PACRG: variants seen among roughly 807,000 people sequenced by gnomAD.
PACRG encodes the protein parkin coregulated.
PACRG carries 29 observed loss-of-function variants against 29.7 expected under a neutral mutation model. That is an observed-to-expected ratio of 0.98 (90% CI 0.73 to 1.33). The LOEUF (loss-of-function observed/expected upper bound fraction) is 1.33. PACRG is among the 40% of genes most tolerant of loss of function. PACRG has a pLI of 0.00. For missense variants in PACRG, 279 were observed against 316.2 expected, an observed-to-expected ratio of 0.88 and a Z score of 0.89; for synonymous variants, 116 against 118.7, an observed-to-expected ratio of 0.98 and a Z score of 0.15.
At chr6:162,970,726 CCATT>C (rs1801456916) in intron 2 of PACRG, among the ~76,000 whole-genome samples, 2 of 152,184 alleles carry the variant, frequency 1.3e-5, no homozygotes, top group South Asian at 4.1e-4. Flanking sequence ...AAGTTGCCTA[CCATT>C]AATCCTTGCT....
At chr6:163,026,122 G>A (rs1807106475) in intron 2 of PACRG, among the ~76,000 whole-genome samples, 1 of 152,116 alleles carries the variant, frequency 6.6e-6, no homozygotes, top group African/African-American at 2.4e-5. Flanking sequence ...TTAAACTAAA[G>A]TCTCATTAAA....
chr6:163,296,079 C>T (rs1007732312), intron 4 of PACRG, among the ~76,000 whole-genome samples: 1 of 152,116 alleles, frequency 6.6e-6, no homozygotes, highest in South Asian at 2.1e-4. Flanking sequence ...TTAGGAGACT[C>T]GTGGAAACCC....
rs79951516 is a variant in PACRG at position 162,747,611 on chromosome 6, G to A, written c.156+19220G>A. The stretch of plus-strand genomic sequence containing the variant: ...AATTGAAATGCTTCTAGTGACCTAC[G>A]TAGTACAAACACCAAGTTTACCCAG... On this transcript the variant is annotated intron_variant, in intron 1 of 4. Transcript: ENST00000366888. Among the ~76,000 whole-genome samples the A allele has an allele frequency of 5.8e-3, 873 of 150,132 alleles. 14 individuals are homozygous for A. Among genetic ancestry groups the A allele is most frequent in the African/African-American group, 0.021 (844 of 40,708 alleles).
At chr6:163,171,647 T>A (rs1476202476) in intron 4 of PACRG, among the ~76,000 whole-genome samples, 2 of 152,208 alleles carry the variant, frequency 1.3e-5, no homozygotes, top group Non-Finnish European at 2.9e-5. Context: ...TCCCCCCAGT[T>A]TCTCATGAGA....
At chr6:162,923,827 CT>C in intron 2 of PACRG, among the ~76,000 whole-genome samples, 1 of 151,730 alleles carries the variant, frequency 6.6e-6, no homozygotes, top group East Asian at 1.9e-4. Flanking sequence ...TTTTTATTTT[CT>C]TTTGTTTTGC....
intron 2 of PACRG, among the ~76,000 whole-genome samples, chr6:162,827,496 T>C (rs1584473130): frequency 1.3e-5 from 2 of 152,334 alleles, no homozygotes; most frequent in African/African-American, 4.8e-5. Context: ...AATATTAGAA[T>C]GTAGATCAAT....
chr6:162,736,199 C>G (rs1780151990), intron 1 of PACRG, among the ~76,000 whole-genome samples: 1 of 152,182 alleles, frequency 6.6e-6, no homozygotes, highest in African/African-American at 2.4e-5. Context: ...ACATTTTTAT[C>G]TTTTGCAAGA....
chr6:162,882,831 G>A (rs115162994), intron 2 of PACRG, among the ~76,000 whole-genome samples: 362 of 152,236 alleles, frequency 2.4e-3, no homozygotes, highest in African/African-American at 7.1e-3. Context: ...GTGCTCACTC[G>A]CGTCTTCCCC....
chr6:163,065,864 T>C (rs57016827), intron 3 of PACRG, among the ~76,000 whole-genome samples: 3,156 of 152,276 alleles, frequency 0.021, 118 homozygotes, highest in African/African-American at 0.072. Context: ...AGATCAATTA[T>C]AAATGCAACG....
chr6:162,970,242 C>T (rs1221320062), intron 2 of PACRG, among the ~76,000 whole-genome samples: 5 of 152,188 alleles, frequency 3.3e-5, no homozygotes, highest in Non-Finnish European at 7.3e-5. Context: ...TGCCACCTAT[C>T]CCCAGAAATG....
At chr6:163,247,838 A>T (rs986126715) in intron 4 of PACRG, among the ~76,000 whole-genome samples, 4 of 152,018 alleles carry the variant, frequency 2.6e-5, no homozygotes, top group African/African-American at 7.2e-5. Context: ...CCTACCCCCA[A>T]CTTCAATCAG....
intron 2 of PACRG, among the ~76,000 whole-genome samples, chr6:162,845,755 A>G (rs1214916903): frequency 6.6e-6 from 1 of 152,200 alleles, no homozygotes; most frequent in East Asian, 1.9e-4. Flanking sequence ...TTACAGTTTC[A>G]TAGAAATGTT....
At chr6:163,074,835 AAATT>A (rs1450359244) in intron 3 of PACRG, among the ~76,000 whole-genome samples, 5 of 152,156 alleles carry the variant, frequency 3.3e-5, no homozygotes, top group African/African-American at 9.7e-5. Context: ...AGAATTAAAA[AAATT>A]AATTAGCCAG....
Position 162,728,032 on chromosome 6 carries a change from C to T in PACRG, c.-204C>T. ...TGTTGCAGCTCTAGCCAAGGTCCTG[C>T]CCTCTTCCCGCCCCGCCCCTAGGGT... On this transcript the variant is annotated 5_prime_UTR_variant, in exon 1 of 5. Transcript: ENST00000366888. 1 of 687,426 alleles carries T rather than the reference C, an allele frequency of 1.5e-6. No homozygotes were observed. Among genetic ancestry groups the T allele is most frequent in the East Asian group, 2.5e-5 (1 of 39,860 alleles). 42.6% of individuals were successfully genotyped at this position (687,426 alleles called of 1,614,324 possible). A position where few individuals can be genotyped will look rare whatever the true frequency, so the allele number is the denominator to read the frequency against.
At chr6:162,941,463 G>A (rs757865361) in intron 2 of PACRG, among the ~76,000 whole-genome samples, 13 of 152,150 alleles carry the variant, frequency 8.5e-5, no homozygotes, top group Non-Finnish European at 1.3e-4. Context: ...CAGGCCTGGC[G>A]AGTTAAGCAC....
At chr6:163,099,466 G>A (rs1814888585) in intron 4 of PACRG, among the ~76,000 whole-genome samples, 1 of 152,198 alleles carries the variant, frequency 6.6e-6, no homozygotes, top group African/African-American at 2.4e-5. Context: ...CTTAATCTGA[G>A]CAAGAAAGCA....
chr6:162,746,697 A>G (rs1194085341), intron 1 of PACRG, among the ~76,000 whole-genome samples: 1 of 152,230 alleles, frequency 6.6e-6, no homozygotes, highest in Non-Finnish European at 1.5e-5. Flanking sequence ...TGCTTTGCAC[A>G]GTGTCATAGA....
intron 4 of PACRG, among the ~76,000 whole-genome samples, chr6:163,122,558 C>A (rs933263617): frequency 6.6e-6 from 1 of 152,174 alleles, no homozygotes; most frequent in Non-Finnish European, 1.5e-5. Flanking sequence ...CTCGCTCTCT[C>A]GCTTCCTCTC....
At chr6:163,312,672 CGTT>C (rs1158869040) in intron 4 of PACRG, 3 of 312,298 alleles carry the variant, frequency 9.6e-6, no homozygotes, top group African/African-American at 6.9e-5. Context: ...CAAAGTGTAT[CGTT>C]GTTTTCCTCA....
Sources: gnomAD v4.1 joint callset for allele counts (sites outside exome capture counted in the v4.1 genomes callset) on GRCh38, gnomAD v4.1.1 for gene constraint, MANE v1.5 for transcripts, NCBI Gene and HGNC (gene_info 2026-07-23, HGNC 2026-07-21) for gene names.